Variants in RAB5C observed in about 807,000 individuals in gnomAD.
The protein encoded by RAB5C is ras-related protein Rab-5C.
RAB5C carries 4 observed loss-of-function variants against 25.2 expected under a neutral mutation model. That is an observed-to-expected ratio of 0.16 (90% CI 0.08 to 0.36). RAB5C has a LOEUF of 0.36. Among genes scored for constraint, RAB5C ranks in the 10% least tolerant of loss-of-function variants. RAB5C has a pLI of 1.00. For missense variants in RAB5C, 199 were observed against 283.8 expected (o/e 0.70, Z 2.15); for synonymous variants, 100 against 106.4 (o/e 0.94, Z 0.37).
At chr17:42,146,309 T>C (rs1598256943) in intron 1 of RAB5C, among the ~76,000 whole-genome samples, 1 of 152,328 alleles carries the variant, frequency 6.6e-6, no homozygotes, top group East Asian at 1.9e-4. Context: ...GTAAAATACG[T>C]ACTAACATAA....
In RAB5C at chr17:42,130,377, G is replaced by C; in HGVS notation, c.126C>G (p.Val42=). The C allele has an allele frequency of 1.2e-6, 2 of 1,613,888 alleles. No individual in the cohort carries two copies. Among genetic ancestry groups the C allele is most frequent in the Non-Finnish European group, 1.7e-6 (2 of 1,179,812 alleles). ...VGKSSLVLRF[V]KGQFHEYQES... is the part of the protein sequence containing the mutation. ...CCTGGTACTCGTGAAACTGTCCCTT[G>C]ACAAAGCGGAGGACGAGGCTGGATT... Residue 42 remains valine (V), a synonymous_variant, in exon 2 of 6, where the codon GTC becomes GTG. Transcript: ENST00000346213.
At chr17:42,128,516 C>A in intron 3 of RAB5C, 133 bp from the exon 4 acceptor site, 1 of 1,423,368 alleles carries the variant, frequency 7.0e-7, no homozygotes, top group East Asian at 2.5e-5. Context: ...TGCAATGTCC[C>A]CAAACAGGAA....
rs576711688 is a variant in RAB5C, at chr17:42,133,952, C to G, written c.-88-3362G>C. ...TGACATGTTCTGCCTGGTCACTGAT[C>G]CTGCCTTCCAGAGATACCTGAGCAG... On this transcript the variant is annotated intron_variant, in intron 1 of 5. Coordinates refer to ENST00000346213, the MANE Select transcript of RAB5C (RefSeq NM_004583.4). 1.6e-3 allele frequency among the ~76,000 whole-genome samples: 246 copies of G among 152,290 alleles called. 2 individuals carry two copies. Among genetic ancestry groups the G allele is most frequent in the African/African-American group, 5.4e-3 (226 of 41,540 alleles).
chr17:42,128,175 C>A, intron 4 of RAB5C, 86 bp downstream of exon 4: 1 of 1,520,230 alleles, frequency 6.6e-7, no homozygotes, highest in South Asian at 1.3e-5. Flanking sequence ...CCTAGCATGG[C>A]CCTTCCCAAA....
chr17:42,131,639 C>A, intron 1 of RAB5C: 1 of 1,531,848 alleles, frequency 6.5e-7, no homozygotes, highest in Non-Finnish European at 8.7e-7. Flanking sequence ...AGAGATGGGG[C>A]GATGGAGAGA....
At chr17:42,130,710 A>C in intron 1 of RAB5C, 120 bp from the exon 2 acceptor site, 1 of 1,259,058 alleles carries the variant, frequency 7.9e-7, no homozygotes, top group Admixed American at 2.9e-5. Context: ...GCTTCCCCTC[A>C]CCTCACCTCC....
intron 5 of RAB5C, 81 bp downstream of exon 5, chr17:42,126,674 C>T (rs552206157): frequency 4.7e-5 from 33 of 696,336 alleles, no homozygotes; most frequent in South Asian, 3.5e-4. Flanking sequence ...GTGAAGGGAC[C>T]CCGCAGGCCC....
At chr17:42,145,661 T>G (rs1668128271) in intron 1 of RAB5C, among the ~76,000 whole-genome samples, 1 of 152,290 alleles carries the variant, frequency 6.6e-6, no homozygotes, top group East Asian at 1.9e-4. Flanking sequence ...GGTGCATTTC[T>G]GTAGTCCCAG....
chr17:42,139,287 T>C (rs1004120566), intron 1 of RAB5C, among the ~76,000 whole-genome samples: 6 of 152,116 alleles, frequency 3.9e-5, no homozygotes, highest in African/African-American at 7.2e-5. Context: ...AGGAGACAGG[T>C]AGCACGGAAG....
intron 1 of RAB5C, among the ~76,000 whole-genome samples, chr17:42,146,459 A>G (rs1254676975): frequency 2.6e-5 from 4 of 152,194 alleles, no homozygotes; most frequent in Admixed American, 6.5e-5. Flanking sequence ...CTACAAAAAA[A>G]TCAAAAATTG....
chr17:42,134,356 CAA>C (rs1478412458), intron 1 of RAB5C, among the ~76,000 whole-genome samples: 1 of 152,184 alleles, frequency 6.6e-6, no homozygotes, highest in African/African-American at 2.4e-5. Flanking sequence ...ACATAGTTTT[CAA>C]AGTCTTCTTT....
intron 1 of RAB5C, among the ~76,000 whole-genome samples, chr17:42,133,150 C>T (rs749079616): frequency 3.0e-4 from 46 of 152,140 alleles, no homozygotes; most frequent in Non-Finnish European, 6.2e-4. Flanking sequence ...CCAGGCAGGG[C>T]GACAGCAACA....
intron 1 of RAB5C, among the ~76,000 whole-genome samples, chr17:42,141,933 T>C (rs1172827047): frequency 6.6e-6 from 1 of 152,040 alleles, no homozygotes; most frequent in African/African-American, 2.4e-5. Context: ...CACATTCCTC[T>C]TACCTCCAGT....
At chr17:42,144,711 G>A (rs1321880805) in intron 1 of RAB5C, among the ~76,000 whole-genome samples, 3 of 151,652 alleles carry the variant, frequency 2.0e-5, no homozygotes, top group Non-Finnish European at 4.4e-5. Flanking sequence ...GGCGGATCAC[G>A]AGGTCAGGAG....
intron 1 of RAB5C, among the ~76,000 whole-genome samples, chr17:42,148,362 C>T (rs1022915345): frequency 1.4e-5 from 2 of 140,940 alleles, no homozygotes; most frequent in Non-Finnish European, 3.0e-5. Context: ...CAAGATCGTA[C>T]CATTGCACTC....
chr17:42,137,115 G>A (rs1360889384), intron 1 of RAB5C, among the ~76,000 whole-genome samples: 1 of 152,064 alleles, frequency 6.6e-6, no homozygotes, highest in Non-Finnish European at 1.5e-5. Context: ...AGACCAGCCT[G>A]TCCAACCTGG....
chr17:42,136,740 G>A (rs985460429), intron 1 of RAB5C, among the ~76,000 whole-genome samples: 2 of 152,078 alleles, frequency 1.3e-5, no homozygotes, highest in Non-Finnish European at 2.9e-5. Context: ...CCATCCTACT[G>A]TTGACAATTA....
chr17:42,135,753 C>A (rs986169141), intron 1 of RAB5C, among the ~76,000 whole-genome samples: 9 of 152,214 alleles, frequency 5.9e-5, no homozygotes, highest in Admixed American at 5.9e-4. Flanking sequence ...CACGAAGTCA[C>A]CCACTTCATA....
chr17:42,128,530 T>TGGGGGGGGGGGGGGGGGGGGGGGGGGGG, intron 3 of RAB5C, 119 bp downstream of exon 3: 2 of 730,778 alleles, frequency 2.7e-6, no homozygotes, highest in Admixed American at 2.9e-5. Context: ...ACAGGAAATC[T>TGGGGGGGGGGGGGGGGGGGGGGGGGGGG]GCCCACCCCC....
Sources: gnomAD v4.1 joint callset for allele counts (sites outside exome capture counted in the v4.1 genomes callset) on GRCh38, gnomAD v4.1.1 for gene constraint, MANE v1.5 for transcripts, NCBI Gene and HGNC (gene_info 2026-07-23, HGNC 2026-07-21) for gene names.